The following ASCC1 variants were observed in gnomAD, a reference collection of about 807,000 sequenced individuals.
The protein encoded by ASCC1 is activating signal cointegrator 1 complex subunit 1.
A neutral mutation model predicts 46.6 loss-of-function variants in ASCC1; 35 were observed. That is an observed-to-expected ratio of 0.75 (90% CI 0.57 to 0.99). The LOEUF (loss-of-function observed/expected upper bound fraction) is 0.99, where lower values mean the gene tolerates loss of function less well. Among genes scored for constraint, ASCC1 ranks in the 50% least tolerant of loss-of-function variants. The pLI is 0.00. For missense variants in ASCC1, 376 were observed against 428.7 expected (o/e 0.88, Z 1.09); for synonymous variants, 143 against 146.6 (o/e 0.98, Z 0.18).
rs375806373 is a variant in ASCC1 at position 72,194,685 on chromosome 10, T to A, written c.489+2126A>T. 3.9e-5 allele frequency among the ~76,000 whole-genome samples: 6 copies of A among 152,338 alleles called. No homozygotes were observed. In the East Asian group the frequency reaches 9.6e-4, roughly 24 times the overall value. On this transcript the variant is annotated intron_variant, in intron 5 of 9. Transcript: ENST00000672957. ...ATATAATAGAACAGTAGGTAGCCAT[T>A]ACGAAACCAAATCACCTGAACAGTT...
intron 7 of ASCC1, chr10:72,134,597 C>T (rs1218055898): frequency 6.6e-6 from 1 of 152,264 alleles, no homozygotes; most frequent in Admixed American, 6.5e-5. Flanking sequence ...TTCTCCAGTC[C>T]TTGAATGTAT....
intron 7 of ASCC1, among the ~76,000 whole-genome samples, chr10:72,135,714 C>G (rs112911175): frequency 2.6e-5 from 4 of 152,076 alleles, no homozygotes; most frequent in African/African-American, 7.2e-5. Context: ...AGGACAGAAG[C>G]AGGAAGGCAG....
chr10:72,109,459 G>T (rs1589184990), intron 9 of ASCC1, among the ~76,000 whole-genome samples: 1 of 152,196 alleles, frequency 6.6e-6, no homozygotes. Context: ...CTGTCTTGCT[G>T]CAGTGAGCAA....
chr10:72,205,318 A>C (rs2133402980), intron 3 of ASCC1, among the ~76,000 whole-genome samples: 1 of 152,270 alleles, frequency 6.6e-6, no homozygotes, highest in South Asian at 2.1e-4. Context: ...AAAAATACAA[A>C]AATTAGCAAA....
At chr10:72,114,004 T>C (rs543919087) in intron 9 of ASCC1, among the ~76,000 whole-genome samples, 1 of 152,204 alleles carries the variant, frequency 6.6e-6, no homozygotes, top group Admixed American at 6.5e-5. Flanking sequence ...CAGTGCACTT[T>C]ATTTTTCATT....
chr10:72,204,520 G>A (rs759245418), intron 3 of ASCC1: 2 of 1,548,544 alleles, frequency 1.3e-6, no homozygotes, highest in South Asian at 2.4e-5. Flanking sequence ...CGAATCCCAA[G>A]AGAGAAGTTT....
chr10:72,142,289 G>A (rs912252180), intron 7 of ASCC1, among the ~76,000 whole-genome samples: 3 of 150,804 alleles, frequency 2.0e-5, no homozygotes, highest in Admixed American at 2.0e-4. Context: ...AGATTAACCA[G>A]TTTAGTCATG....
upstream of ASCC1, chr10:72,216,878 C>T (rs1859449906): frequency 4.4e-6 from 2 of 456,074 alleles, no homozygotes; most frequent in Non-Finnish European, 8.8e-6. Flanking sequence ...CAAAATTTTA[C>T]TGGGCACCTC....
intron 1 of ASCC1, among the ~76,000 whole-genome samples, chr10:72,214,019 C>G (rs1264714697): frequency 6.6e-6 from 1 of 150,674 alleles, no homozygotes; most frequent in African/African-American, 2.4e-5. Context: ...GCCTGGGCAA[C>G]AGAGCACAAC....
intron 1 of ASCC1, 59 bp from the exon 2 acceptor site, chr10:72,213,390 G>T: frequency 1.1e-6 from 1 of 903,196 alleles, no homozygotes; most frequent in Non-Finnish European, 1.8e-6. Flanking sequence ...CCTATCTCTA[G>T]TGTCTGAACC....
chr10:72,190,172 G>C, intron 5 of ASCC1: 1 of 763,378 alleles, frequency 1.3e-6, no homozygotes, highest in South Asian at 1.3e-5. Context: ...AGTTCCTAAG[G>C]GTGCAACTTA....
intron 3 of ASCC1, among the ~76,000 whole-genome samples, chr10:72,207,851 G>A (rs75259911): frequency 0.064 from 9,532 of 149,854 alleles, 1,009 homozygotes; most frequent in African/African-American, 0.22. Context: ...TTGCTCTGTC[G>A]CCCAGGTGGA....
intron 3 of ASCC1, among the ~76,000 whole-genome samples, chr10:72,210,127 T>C (rs1473534983): frequency 1.3e-5 from 2 of 151,764 alleles, no homozygotes; most frequent in Non-Finnish European, 2.9e-5. Flanking sequence ...TTGTACTGTC[T>C]GTAGAGTCAT....
Position 72,196,804 on chromosome 10 carries a change from C to T in ASCC1, c.489+7G>A, listed in dbSNP as rs1259902644. ...TTTTTTAACCTTCTTGCTTTGTTTG[C>T]ACTTACCATGGAGCACTTCGCCAGT... On this transcript the variant is annotated splice_region_variant and intron_variant, in intron 5 of 9. Transcript: ENST00000672957. The T allele has an allele frequency of 6.2e-7, 1 of 1,611,892 alleles. No homozygotes were observed. Among genetic ancestry groups the T allele is most frequent in the Non-Finnish European group, 8.5e-7 (1 of 1,179,572 alleles).
chr10:72,211,456 G>A (rs894995799), intron 2 of ASCC1, among the ~76,000 whole-genome samples: 4 of 152,090 alleles, frequency 2.6e-5, no homozygotes, highest in Admixed American at 6.6e-5. Flanking sequence ...GGGCATGATG[G>A]TACATGCCTG....
intron 5 of ASCC1, among the ~76,000 whole-genome samples, chr10:72,175,702 G>C (rs1851779798): frequency 6.6e-6 from 1 of 152,158 alleles, no homozygotes; most frequent in Admixed American, 6.6e-5. Flanking sequence ...GGAGTGAAGA[G>C]CATCTCCCCT....
intron 2 of ASCC1, 147 bp from the exon 3 acceptor site, chr10:72,210,978 G>A (rs1158152123): frequency 2.8e-6 from 2 of 720,646 alleles, no homozygotes; most frequent in African/African-American, 3.5e-5. Context: ...CCATGACACT[G>A]CTCTGATACT....
At chr10:72,112,983 T>G (rs1245963755) in intron 9 of ASCC1, among the ~76,000 whole-genome samples, 1 of 149,254 alleles carries the variant, frequency 6.7e-6, no homozygotes, top group Non-Finnish European at 1.5e-5. Flanking sequence ...GTCCTAGAAA[T>G]GAACACATAA....
intron 9 of ASCC1, among the ~76,000 whole-genome samples, chr10:72,111,636 G>A (rs1361011724): frequency 6.6e-6 from 1 of 152,002 alleles, no homozygotes. Flanking sequence ...TCGGATATGG[G>A]GAAGACAGCA....
Sources: gnomAD v4.1 joint callset for allele counts (sites outside exome capture counted in the v4.1 genomes callset) on GRCh38, gnomAD v4.1.1 for gene constraint, MANE v1.5 for transcripts, NCBI Gene and HGNC (gene_info 2026-07-23, HGNC 2026-07-21) for gene names.